The following RPP14 variants were observed in gnomAD, a reference collection of about 807,000 sequenced individuals.
The protein encoded by RPP14 is ribonuclease P/MRP subunit p14, also known as ribonuclease P protein subunit p14.
A neutral mutation model predicts 17.8 loss-of-function variants in RPP14; 19 were observed. The ratio of observed to expected loss-of-function variants is 1.07; its 90% CI spans 0.74 to 1.57. The LOEUF (loss-of-function observed/expected upper bound fraction) is 1.57. Ranked by LOEUF, RPP14 falls within the 40% of genes most tolerant of loss-of-function variation. The pLI, the probability that RPP14 is intolerant of heterozygous loss-of-function variation, is 0.00. For synonymous variants in RPP14, 60 were observed against 56.4 expected (o/e 1.06, Z -0.29); for missense variants, 125 against 140.8 (o/e 0.89, Z 0.57).
rs79680826 is a variant in RPP14, at chr3:58,312,980, A to G, written c.162+2389A>G. Among the ~76,000 whole-genome samples, 1,139 of 135,780 alleles carry G rather than the reference A, an allele frequency of 8.4e-3. 16 individuals are homozygous for G. The highest frequency in any genetic ancestry group is 0.028 in the African/African-American group (1,061 of 37,360). 89.1% of individuals were successfully genotyped at this position (135,780 alleles called of 152,430 possible). ...TGTCTCAAAAAAAAAAAAAAAAAAA[A>G]GGGCTGGGCACGGTAGCTCACGCCT... On this transcript the variant is annotated intron_variant, in intron 3 of 5. Transcript: ENST00000295959.
At position 58,318,422 on chromosome 3, in the gene RPP14, CTG is replaced by C; in HGVS notation, c.*927_*928del. The C allele has an allele frequency of 5.2e-6, 1 of 192,850 alleles. No homozygotes were observed. The highest frequency in any genetic ancestry group is 1.0e-5 in the Non-Finnish European group (1 of 96,760). The allele number at this position is 192,850 out of a possible 1,614,324, so 11.9% of individuals were successfully genotyped here. A position where few individuals can be genotyped will look rare whatever the true frequency, so the allele number is the denominator to read the frequency against. On this transcript the variant is annotated 3_prime_UTR_variant, in exon 6 of 6. Transcript: ENST00000295959. ...CCTGTAATCCTGGCACTTTGGGAGG[CTG>C]CGGCAGGCGGATCACTTGAGGTCAG...
At chr3:58,310,203 C>A in intron 1 of RPP14, 106 bp from the exon 2 acceptor site, 1 of 786,044 alleles carries the variant, frequency 1.3e-6, no homozygotes, top group Non-Finnish European at 2.1e-6. Context: ...TGAGACCCTG[C>A]CTTAAAACAA....
At chr3:58,313,219 A>G (rs1253092589) in intron 3 of RPP14, among the ~76,000 whole-genome samples, 1 of 152,184 alleles carries the variant, frequency 6.6e-6, no homozygotes, top group Non-Finnish European at 1.5e-5. Flanking sequence ...AGATCACGCC[A>G]CTGCACTCCA....
chr3:58,318,127 TG>T lies in RPP14; in HGVS notation c.*632del. ...AGAAGCTTCCAAATCCTGAAATAGA[TG>T]TTTTAAAGATGCAACCTCAAACACC... On this transcript the variant is annotated 3_prime_UTR_variant, in exon 6 of 6. Transcript: ENST00000295959. The T allele has an allele frequency of 1.6e-6, 1 of 631,690 alleles. No homozygotes were observed. Among genetic ancestry groups the T allele is most frequent in the Non-Finnish European group, 2.8e-6 (1 of 355,808 alleles). The allele number at this position is 631,690 out of a possible 1,614,324, so 39.1% of individuals were successfully genotyped here.
chr3:58,310,953 CTTTTCAAACATCAA>C (rs2097481548), intron 3 of RPP14, among the ~76,000 whole-genome samples: 1 of 114,730 alleles, frequency 8.7e-6, no homozygotes, highest in Non-Finnish European at 1.7e-5. Context: ...AGAAAGAATG[CTTTTCAAACATCAA>C]AAAAAAAAAA....
intron 1 of RPP14, 40 bp from the exon 2 acceptor site, chr3:58,310,269 A>G (rs983507031): frequency 9.7e-5 from 141 of 1,454,744 alleles, no homozygotes; most frequent in Non-Finnish European, 1.2e-4. Flanking sequence ...GAAAAATAGC[A>G]TGTGCATTGG....
In RPP14 at chr3:58,319,277, G is replaced by A. The variant is rs1048426800; in HGVS notation, c.*1781G>A. ...ACCTTCAGTGAGACTTGCGTTTCAGGGGAGGGGCGTATGTGCATCCTCGGT... is the reference window on the plus strand; with the variant it reads ...ACCTTCAGTGAGACTTGCGTTTCAGAGGAGGGGCGTATGTGCATCCTCGGT... On this transcript the variant is annotated 3_prime_UTR_variant, in exon 6 of 6. Coordinates refer to ENST00000295959, the MANE Select transcript of RPP14 (RefSeq NM_007042.6). 1 of 152,182 alleles carries A rather than the reference G, an allele frequency of 6.6e-6. No individual in the cohort carries two copies. The highest frequency in any genetic ancestry group is 2.4e-5 in the African/African-American group (1 of 41,422). The allele number at this position is 152,182 out of a possible 1,614,324, so 9.4% of individuals were successfully genotyped here. A position where few individuals can be genotyped will look rare whatever the true frequency, so the allele number is the denominator to read the frequency against.
intron 3 of RPP14, 113 bp from the exon 4 acceptor site, chr3:58,316,402 A>G: frequency 1.0e-6 from 1 of 953,002 alleles, no homozygotes; most frequent in East Asian, 2.4e-5. Flanking sequence ...CCATTAAATA[A>G]AATACTGCTT....
chr3:58,316,438 C>G (rs2097488335), intron 3 of RPP14, 77 bp from the exon 4 acceptor site: 2 of 1,336,954 alleles, frequency 1.5e-6, no homozygotes, highest in African/African-American at 2.9e-5. Flanking sequence ...GCTCAAAACT[C>G]ATTTGTTGTC....
chr3:58,312,842 T>G (rs1264194524), intron 3 of RPP14, among the ~76,000 whole-genome samples: 1 of 151,130 alleles, frequency 6.6e-6, no homozygotes, highest in Non-Finnish European at 1.5e-5. Context: ...ACGCTTGTAG[T>G]CCCAGCTACT....
rs1045927264 is a variant in RPP14, at chr3:58,310,376, C to T, written c.47C>T (p.Pro16Leu). Residue 16 changes from proline (P) to leucine (L), a missense_variant, in exon 2 of 6, where the codon CCT becomes CTT. Physicochemically the swap from Pro to Leu is moderately conservative, Grantham distance 98. Transcript: ENST00000295959. ...ATYERVVYKNPSEYHYMKVCL... is the reference protein window; with the variant it reads ...ATYERVVYKNLSEYHYMKVCL... The stretch of plus-strand genomic sequence containing the variant: ...TATGAAAGAGTAGTTTACAAAAACC[C>T]TTCCGAGTACCACTACATGAAAGTC... 7.4e-6 allele frequency: 12 copies of T among 1,614,044 alleles called. No individual in the cohort carries two copies. The Admixed American group carries it at 1.2e-4, about 16-fold the overall frequency.
chr3:58,316,701 G>T, intron 4 of RPP14, 110 bp downstream of exon 4: 2 of 1,059,322 alleles, frequency 1.9e-6, no homozygotes, highest in Non-Finnish European at 2.9e-6. Context: ...ACTCTGAGCA[G>T]CTTTTGGGAA....
intron 1 of RPP14, among the ~76,000 whole-genome samples, chr3:58,308,724 C>T (rs2097478512): frequency 6.6e-6 from 1 of 152,116 alleles, no homozygotes; most frequent in Admixed American, 6.6e-5. Flanking sequence ...TGGATAAGTC[C>T]CTTTCCTTGA....
In RPP14 at chr3:58,318,204, T is replaced by C. The variant is rs899014831; in HGVS notation, c.*708T>C. On this transcript the variant is annotated 3_prime_UTR_variant, in exon 6 of 6. Coordinates refer to ENST00000295959, the MANE Select transcript of RPP14 (RefSeq NM_007042.6). ...GGAATTGCTGCTCTTTACCAAAGAATGGTTGATAGGCCCAGAAGCCCATCT... is the reference window on the plus strand; with the variant it reads ...GGAATTGCTGCTCTTTACCAAAGAACGGTTGATAGGCCCAGAAGCCCATCT... 1.7e-6 allele frequency: 1 copy of C among 598,360 alleles called. No homozygotes were observed. Among genetic ancestry groups the C allele is most frequent in the Non-Finnish European group, 2.9e-6 (1 of 339,082 alleles). The allele number at this position is 598,360 out of a possible 1,614,324, so 37.1% of individuals were successfully genotyped here.
chr3:58,308,284 T>G (rs888252291), intron 1 of RPP14, among the ~76,000 whole-genome samples: 1 of 152,040 alleles, frequency 6.6e-6, no homozygotes, highest in African/African-American at 2.4e-5. Flanking sequence ...TTACAGTATT[T>G]TTTGTTTGTT....
At chr3:58,315,345 C>G (rs1343699110) in intron 3 of RPP14, among the ~76,000 whole-genome samples, 3 of 149,060 alleles carry the variant, frequency 2.0e-5, no homozygotes, top group Non-Finnish European at 3.0e-5. Context: ...TATATATAAT[C>G]TGGAGAAAGG....
At chr3:58,306,636 A>G (rs1015035564) in intron 1 of RPP14, 5 of 151,942 alleles carry the variant, frequency 3.3e-5, no homozygotes, top group African/African-American at 9.7e-5. Context: ...AGCGCTCTCC[A>G]TGCGCCCGGC....
chr3:58,307,191 G>A (rs967988397), intron 1 of RPP14, among the ~76,000 whole-genome samples: 1 of 152,210 alleles, frequency 6.6e-6, no homozygotes, highest in African/African-American at 2.4e-5. Context: ...TGAAGTCAGA[G>A]GTGTAGAGGG....
chr3:58,317,344 G>C, intron 5 of RPP14, 96 bp from the exon 6 acceptor site: 1 of 802,098 alleles, frequency 1.2e-6, no homozygotes, highest in South Asian at 1.7e-5. Context: ...TCCTGCATCA[G>C]CTTTGTTTAT....
Sources: allele counts gnomAD v4.1 joint callset (sites outside exome capture counted in the v4.1 genomes callset), GRCh38; gene constraint gnomAD v4.1.1; transcripts MANE v1.5; gene names NCBI Gene and HGNC (gene_info 2026-07-23, HGNC 2026-07-21).